The following GSAP variants were observed in gnomAD, a reference collection of about 807,000 sequenced individuals.
GSAP encodes gamma-secretase activating protein.
In GSAP, 118 loss-of-function variants were observed where a neutral mutation model predicts 131.7. The observed-to-expected ratio is 0.90, with a 90% confidence interval of 0.77 to 1.04. GSAP has a LOEUF of 1.04. Ranked by LOEUF, GSAP falls within the 50% of genes least tolerant of loss-of-function variation. The pLI is 0.00. For missense variants in GSAP, 1,019 were observed against 1,013.2 expected, an observed-to-expected ratio of 1.01 and a Z score of -0.08; for synonymous variants, 381 against 363.4, an observed-to-expected ratio of 1.05 and a Z score of -0.55.
intron 13 of GSAP, among the ~76,000 whole-genome samples, chr7:77,361,681 G>T (rs944695770): frequency 3.9e-5 from 6 of 152,040 alleles, no homozygotes; most frequent in African/African-American, 1.5e-4. Context: ...TACACCCATA[G>T]TATATACTGC....
chr7:77,367,258 TG>T (rs749909586), intron 12 of GSAP, among the ~76,000 whole-genome samples: 4 of 151,948 alleles, frequency 2.6e-5, no homozygotes, highest in African/African-American at 4.8e-5. Context: ...TGGATAGGAG[TG>T]GTGAGAGAGG....
chr7:77,416,153 G>A, intron 1 of GSAP, 60 bp downstream of exon 1: 1 of 999,572 alleles, frequency 1.0e-6, no homozygotes, highest in South Asian at 2.0e-5. Context: ...TCGGAGTCCG[G>A]GGGGTATGAG....
At chr7:77,331,296 G>A (rs537397652) in intron 19 of GSAP, among the ~76,000 whole-genome samples, 2 of 152,186 alleles carry the variant, frequency 1.3e-5, no homozygotes, top group Non-Finnish European at 2.9e-5. Flanking sequence ...GCGAGACTCC[G>A]TCTCAAAAAA....
intron 3 of GSAP, among the ~76,000 whole-genome samples, 174 bp from the exon 4 acceptor site, chr7:77,397,589 A>C (rs1333121074): frequency 2.0e-5 from 3 of 152,206 alleles, no homozygotes; most frequent in Admixed American, 2.0e-4. Flanking sequence ...TACCAAAAAA[A>C]AGTTTGCTAT....
chr7:77,396,647 A>G (rs1431487068), intron 5 of GSAP, among the ~76,000 whole-genome samples: 4 of 152,164 alleles, frequency 2.6e-5, no homozygotes, highest in Non-Finnish European at 4.4e-5. Flanking sequence ...ATACCTAACC[A>G]GATATAAGAA....
At chr7:77,341,776 TTAAC>T (rs1253509957) in intron 19 of GSAP, among the ~76,000 whole-genome samples, 2 of 152,168 alleles carry the variant, frequency 1.3e-5, no homozygotes, top group African/African-American at 4.8e-5. Context: ...ATAACAGGAC[TTAAC>T]TAACCTCACC....
chr7:77,320,818 T>C lies in GSAP; in HGVS notation c.1996A>G (p.Asn666Asp), dbSNP rs1562894366. 6.3e-7 allele frequency: 1 copy of C among 1,597,672 alleles called. No individual in the cohort carries two copies. Among genetic ancestry groups the C allele is most frequent in the Non-Finnish European group, 8.6e-7 (1 of 1,165,220 alleles). Reference protein sequence around the residue: ...HNLHSWVLHFNSRGSAAEFAV... With the variant: ...HNLHSWVLHFDSRGSAAEFAV... ...AATTCAGCAGCACTGCCACGACTAT[T>C]GCTGGGTAAAAAAAACAAAGCAGCA... Residue 666 changes from asparagine (N) to aspartate (D), a missense_variant and splice_region_variant, in exon 26 of 31, where the codon AAT (asparagine) becomes GAT (aspartate). Coordinates refer to ENST00000257626, the MANE Select transcript of GSAP (RefSeq NM_017439.4).
chr7:77,358,250 G>A (rs574727563), intron 14 of GSAP, among the ~76,000 whole-genome samples: 1 of 152,316 alleles, frequency 6.6e-6, no homozygotes, highest in East Asian at 1.9e-4. Context: ...GCTGAGGTGG[G>A]AGGATAGTTT....
intron 12 of GSAP, among the ~76,000 whole-genome samples, chr7:77,370,717 ATGC>A (rs1795993599): frequency 6.6e-6 from 1 of 152,124 alleles, no homozygotes; most frequent in African/African-American, 2.4e-5. Context: ...ATGTCTACAC[ATGC>A]TGCTATGACT....
chr7:77,396,343 T>C (rs561178687), intron 5 of GSAP, among the ~76,000 whole-genome samples: 18 of 152,342 alleles, frequency 1.2e-4, no homozygotes, highest in African/African-American at 4.3e-4. Context: ...CTGGCCAATG[T>C]ATGCATTTGC....
intron 23 of GSAP, among the ~76,000 whole-genome samples, chr7:77,325,986 G>A (rs757489171): frequency 5.9e-5 from 9 of 152,172 alleles, no homozygotes; most frequent in African/African-American, 2.2e-4. Flanking sequence ...AATTACATAT[G>A]TATTGGTGTG....
chr7:77,363,834 TAAC>T (rs1254336712), intron 12 of GSAP, among the ~76,000 whole-genome samples: 1 of 152,138 alleles, frequency 6.6e-6, no homozygotes, highest in Non-Finnish European at 1.5e-5. Context: ...GAGCACACAA[TAAC>T]AACTTTTCTT....
chr7:77,334,144 T>C (rs902873921), intron 19 of GSAP, among the ~76,000 whole-genome samples: 4 of 152,224 alleles, frequency 2.6e-5, no homozygotes, highest in African/African-American at 9.6e-5. Flanking sequence ...TGCAGCACTA[T>C]TCACAATAGC....
In GSAP at chr7:77,360,872, C is replaced by T. The variant is rs370028124; in HGVS notation, c.979G>A (p.Glu327Lys). 15 of 1,603,940 alleles carry T rather than the reference C, an allele frequency of 9.4e-6. No individual in the cohort carries two copies. The highest frequency in any genetic ancestry group is 1.0e-5 in the Non-Finnish European group (12 of 1,171,154). Residue 327 changes from glutamate (E) to lysine (K), a missense_variant, in exon 14 of 31, where the codon GAG becomes AAG. Coordinates refer to ENST00000257626, the MANE Select transcript of GSAP (RefSeq NM_017439.4). ...TTTGTCATGTGTGACCCAACATTCT[C>T]AAGAGAAGTGGTGAAGGTCTTGCTG... is the stretch of plus-strand genomic sequence containing the variant. ...GHSKTFTTSL[E>K]NVGSHMTKGI...
chr7:77,382,488 A>T, intron 7 of GSAP, 86 bp downstream of exon 7: 1 of 718,064 alleles, frequency 1.4e-6, no homozygotes, highest in Non-Finnish European at 2.6e-6. Flanking sequence ...TGGCAGGTGG[A>T]TATCTAGAAG....
intron 3 of GSAP, among the ~76,000 whole-genome samples, chr7:77,398,378 G>T (rs1266267183): frequency 1.3e-5 from 2 of 151,774 alleles, no homozygotes; most frequent in East Asian, 1.9e-4. Context: ...GAGAATTGTC[G>T]GTTTCCTTTG....
chr7:77,413,298 G>T (rs1803633499), intron 1 of GSAP, among the ~76,000 whole-genome samples: 1 of 152,154 alleles, frequency 6.6e-6, no homozygotes, highest in South Asian at 2.1e-4. Context: ...AGTCAAAATG[G>T]CCAGGCCTTT....
At chr7:77,313,341 G>T in intron 28 of GSAP, 147 bp downstream of exon 28, 1 of 591,808 alleles carries the variant, frequency 1.7e-6, no homozygotes, top group Non-Finnish European at 3.0e-6. Context: ...GAGGGCTGGG[G>T]ACGGGTGGGA....
At chr7:77,335,925 T>C (rs979525183) in intron 19 of GSAP, among the ~76,000 whole-genome samples, 1 of 152,166 alleles carries the variant, frequency 6.6e-6, no homozygotes, top group African/African-American at 2.4e-5. Flanking sequence ...CCTCTAAGCA[T>C]TGACAGAATA....
Sources: gnomAD v4.1 joint callset for allele counts (sites outside exome capture counted in the v4.1 genomes callset) on GRCh38, gnomAD v4.1.1 for gene constraint, MANE v1.5 for transcripts, NCBI Gene and HGNC (gene_info 2026-07-23, HGNC 2026-07-21) for gene names.